CTTNBP2: variants seen among roughly 807,000 people sequenced by gnomAD.
CTTNBP2 encodes the protein cortactin-binding protein 2.
CTTNBP2 carries 108 observed loss-of-function variants against 156.9 expected under a neutral mutation model. That is an observed-to-expected ratio of 0.69 (90% CI 0.59 to 0.81). The LOEUF is 0.81. CTTNBP2 is among the 30% of genes least tolerant of loss of function. CTTNBP2 has a pLI of 0.00. For missense variants in CTTNBP2, 1,924 were observed against 2,035.4 expected, an observed-to-expected ratio of 0.95 and a Z score of 1.05; for synonymous variants, 767 against 751.8, an observed-to-expected ratio of 1.02 and a Z score of -0.33.
intron 8 of CTTNBP2, among the ~76,000 whole-genome samples, chr7:117,767,894 A>G (rs1797579188): frequency 6.6e-6 from 1 of 152,134 alleles, no homozygotes; most frequent in African/African-American, 2.4e-5. Flanking sequence ...ATATACATAA[A>G]TTTTCTAATA....
At chr7:117,744,005 T>C (rs1796172185) in intron 14 of CTTNBP2, among the ~76,000 whole-genome samples, 1 of 152,020 alleles carries the variant, frequency 6.6e-6, no homozygotes, top group African/African-American at 2.4e-5. Flanking sequence ...ACCTGCCTCT[T>C]AATTTCATTT....
chr7:117,761,986 A>G (rs1279257173), intron 9 of CTTNBP2, among the ~76,000 whole-genome samples: 1 of 152,216 alleles, frequency 6.6e-6, no homozygotes, highest in African/African-American at 2.4e-5. Context: ...ACTTATCCAC[A>G]GTATCTGACA....
chr7:117,812,514 C>A (rs1184102766), intron 2 of CTTNBP2, among the ~76,000 whole-genome samples: 2 of 151,898 alleles, frequency 1.3e-5, no homozygotes, highest in Non-Finnish European at 2.9e-5. Context: ...TCTAACATTT[C>A]TTTCCTTATC....
intron 8 of CTTNBP2, among the ~76,000 whole-genome samples, chr7:117,776,328 G>C (rs1798096935): frequency 6.6e-6 from 1 of 152,100 alleles, no homozygotes; most frequent in East Asian, 1.9e-4. Flanking sequence ...AAATCTTCTT[G>C]ATGTTGTTGC....
chr7:117,871,590 C>T (rs1804597899), intron 1 of CTTNBP2: 1 of 166,926 alleles, frequency 6.0e-6, no homozygotes. Flanking sequence ...GAACACTGAC[C>T]TTGTTAACAC....
chr7:117,789,272 T>C (rs1267260440), intron 4 of CTTNBP2, among the ~76,000 whole-genome samples: 1 of 152,194 alleles, frequency 6.6e-6, no homozygotes, highest in Non-Finnish European at 1.5e-5. Flanking sequence ...ACCACAGTAA[T>C]GACTAAGGCA....
intron 3 of CTTNBP2, among the ~76,000 whole-genome samples, chr7:117,801,906 ATT>A (rs201517444): frequency 6.6e-6 from 1 of 151,910 alleles, no homozygotes; most frequent in Non-Finnish European, 1.5e-5. Flanking sequence ...TATTTTTTTT[ATT>A]TTTTTATTTT....
chr7:117,743,543 G>C (rs1796131620), intron 14 of CTTNBP2, among the ~76,000 whole-genome samples: 1 of 151,856 alleles, frequency 6.6e-6, no homozygotes, highest in Non-Finnish European at 1.5e-5. Context: ...AGAAAGTTGT[G>C]AGTTAATAAA....
At chr7:117,820,151 G>A (rs549365560) in intron 2 of CTTNBP2, among the ~76,000 whole-genome samples, 45 of 152,294 alleles carry the variant, frequency 3.0e-4, no homozygotes, top group African/African-American at 1.1e-3. Flanking sequence ...TCCCTAACTA[G>A]GTCAAGAATG....
At chr7:117,869,861 CCAGTCAATTT>C (rs771825197) in intron 1 of CTTNBP2, among the ~76,000 whole-genome samples, 2 of 151,912 alleles carry the variant, frequency 1.3e-5, no homozygotes, top group Non-Finnish European at 2.9e-5. Flanking sequence ...GAAAAATATT[CCAGTCAATTT>C]CCTCAACTTC....
intron 9 of CTTNBP2, among the ~76,000 whole-genome samples, chr7:117,766,236 G>A (rs752678162): frequency 2.6e-5 from 4 of 152,024 alleles, no homozygotes; most frequent in Non-Finnish European, 4.4e-5. Context: ...TTAAGGACCC[G>A]AAACCTAGAC....
intron 1 of CTTNBP2, chr7:117,872,061 G>C: frequency 2.7e-6 from 2 of 739,718 alleles, no homozygotes; most frequent in Non-Finnish European, 3.3e-6. Context: ...TCTATGCAAA[G>C]AATGGAAACT....
At chr7:117,841,928 T>C (rs934818833) in intron 2 of CTTNBP2, among the ~76,000 whole-genome samples, 1 of 152,092 alleles carries the variant, frequency 6.6e-6, no homozygotes, top group African/African-American at 2.4e-5. Flanking sequence ...AGCAGGGATG[T>C]TACTAGAAAC....
chr7:117,731,994 G>GT (rs1271823301), intron 16 of CTTNBP2, among the ~76,000 whole-genome samples: 1 of 152,138 alleles, frequency 6.6e-6, no homozygotes, highest in South Asian at 2.1e-4. Context: ...GTTCAAAAAA[G>GT]TTTTTTTAAC....
intron 9 of CTTNBP2, among the ~76,000 whole-genome samples, 182 bp downstream of exon 9, chr7:117,766,876 CA>C (rs1346262003): frequency 1.3e-5 from 2 of 152,154 alleles, no homozygotes; most frequent in Non-Finnish European, 2.9e-5. Flanking sequence ...ATTAGTTCTA[CA>C]AAAAGTCATT....
chr7:117,756,519 G>A, intron 12 of CTTNBP2, 36 bp downstream of exon 12: 1 of 1,527,814 alleles, frequency 6.5e-7, no homozygotes, highest in South Asian at 1.1e-5. Context: ...GGCAGGGATG[G>A]AAAACACAGG....
intron 8 of CTTNBP2, among the ~76,000 whole-genome samples, chr7:117,776,537 T>G (rs1267462143): frequency 6.6e-6 from 1 of 152,154 alleles, no homozygotes; most frequent in Non-Finnish European, 1.5e-5. Context: ...GGACCTGTTA[T>G]CCACCTCCCT....
Position 117,784,440 on chromosome 7 carries a change from G to C in CTTNBP2, c.2083C>G (p.Leu695Val). 6.3e-7 allele frequency: 1 copy of C among 1,595,950 alleles called. No individual in the cohort carries two copies. Among genetic ancestry groups the C allele is most frequent in the African/African-American group, 1.3e-5 (1 of 74,126 alleles). ...CCACCACTCATTAGCAAAGGGGTTA[G>C]GGAGGGTGACCAGCCTGTAGGTTAA... is the stretch of plus-strand genomic sequence containing the variant. ...LVTASGWSPS[L>V]TPLLMSGGPA... The change falls in exon 5 of 23, where the codon CTA becomes GTA. Residue 695 changes from leucine to valine, a missense_variant. Physicochemically the swap from Leu to Val is conservative, Grantham distance 32. Coordinates refer to ENST00000160373, the MANE Select transcript of CTTNBP2 (RefSeq NM_033427.3).
Position 117,791,158 on chromosome 7 carries a change from C to A in CTTNBP2, c.2038G>T (p.Ala680Ser). ...GCTGTTACCAGGAGGCTGTCTGAGG[C>A]ACCTGGTCTACAGGATGAGGCACTA... ...PVSASSCRPG[A>S]SDSLLVTASG... Residue 680 changes from alanine to serine, a missense_variant, in exon 4 of 23, where the codon GCC (alanine) becomes TCC (serine). Physicochemically the swap from Ala to Ser is moderately conservative, Grantham distance 99 (BLOSUM62 1). Transcript: ENST00000160373. 1.2e-6 allele frequency: 2 copies of A among 1,614,066 alleles called. No individual in the cohort carries two copies. The highest frequency in any genetic ancestry group is 1.7e-6 in the Non-Finnish European group (2 of 1,179,978).
Sources: gnomAD v4.1 joint callset for allele counts (sites outside exome capture counted in the v4.1 genomes callset) on GRCh38, gnomAD v4.1.1 for gene constraint, MANE v1.5 for transcripts, NCBI Gene and HGNC (gene_info 2026-07-23, HGNC 2026-07-21) for gene names.